Variants in SLC44A5 observed in about 807,000 individuals in gnomAD.
SLC44A5 encodes the protein solute carrier family 44 member 5, also known as choline transporter-like protein 5.
SLC44A5 carries 57 observed loss-of-function variants against 101.8 expected under a neutral mutation model. The observed-to-expected ratio is 0.56, with a 90% CI of 0.45 to 0.70. SLC44A5 has a LOEUF of 0.70. Ranked by LOEUF, SLC44A5 falls within the 30% of genes least tolerant of loss-of-function variation. The pLI is 0.00. For missense variants in SLC44A5, 737 were observed against 853.1 expected, an observed-to-expected ratio of 0.86 and a Z score of 1.70; for synonymous variants, 281 against 290.9, an observed-to-expected ratio of 0.97 and a Z score of 0.35.
At chr1:75,250,239 G>A (rs1430569592) in intron 7 of SLC44A5, among the ~76,000 whole-genome samples, 7 of 152,042 alleles carry the variant, frequency 4.6e-5, no homozygotes, top group Admixed American at 4.6e-4. Flanking sequence ...ACTTATAAGT[G>A]AGAACACGTG....
At chr1:75,346,493 A>C (rs1258402365) in intron 3 of SLC44A5, among the ~76,000 whole-genome samples, 1 of 152,160 alleles carries the variant, frequency 6.6e-6, no homozygotes, top group African/African-American at 2.4e-5. Flanking sequence ...GGCAGTGCTG[A>C]AGAATGGACG....
At chr1:75,620,600 A>G in the SLC44A5 span, among the ~76,000 whole-genome samples, 1 of 152,082 alleles carries the variant, frequency 6.6e-6, no homozygotes, top group East Asian at 1.9e-4. Context: ...GCATTTTTTC[A>G]TATGTTTCCT....
chr1:75,603,272 TG>T (rs1184759429), intron 1 of SLC44A5, among the ~76,000 whole-genome samples: 1 of 152,140 alleles, frequency 6.6e-6, no homozygotes, highest in African/African-American at 2.4e-5. Context: ...TTTAGGATAA[TG>T]GCTTCTAACT....
chr1:75,687,434 G>A, the SLC44A5 span, among the ~76,000 whole-genome samples: 4 of 152,002 alleles, frequency 2.6e-5, no homozygotes, highest in Admixed American at 6.6e-5. Flanking sequence ...CTCCCAAGTA[G>A]CTGGGATTAC....
At chr1:75,513,724 A>G (rs962332466) in intron 2 of SLC44A5, among the ~76,000 whole-genome samples, 1 of 152,202 alleles carries the variant, frequency 6.6e-6, no homozygotes. Context: ...AACATACAAA[A>G]GGGAGCCTTT....
At chr1:75,253,357 T>C (rs1322300170) in intron 6 of SLC44A5, among the ~76,000 whole-genome samples, 1 of 151,658 alleles carries the variant, frequency 6.6e-6, no homozygotes, top group Non-Finnish European at 1.5e-5. Flanking sequence ...CAACAGAAAG[T>C]GTCTGAAAAC....
chr1:75,641,766 C>A, the SLC44A5 span: 3 of 1,576,120 alleles, frequency 1.9e-6, no homozygotes, highest in South Asian at 2.2e-5. Context: ...ACCACTTTGT[C>A]CAGTGGAAAT....
At chr1:75,537,741 C>T (rs1437397285) in intron 2 of SLC44A5, among the ~76,000 whole-genome samples, 1 of 152,160 alleles carries the variant, frequency 6.6e-6, no homozygotes, top group African/African-American at 2.4e-5. Flanking sequence ...TCTGCTTTGG[C>T]ATGATGTATA....
intron 3 of SLC44A5, among the ~76,000 whole-genome samples, chr1:75,394,721 CA>C (rs1317751039): frequency 7.2e-5 from 11 of 152,176 alleles, no homozygotes; most frequent in African/African-American, 2.6e-4. Flanking sequence ...ATTGTTAGCA[CA>C]GTTAAGCTTT....
At position 75,334,626 on chromosome 1, in the gene SLC44A5, G is replaced by T. The variant is rs567612299; in HGVS notation, c.101+4956C>A. On this transcript the variant is annotated intron_variant, in intron 4 of 23. Transcript: ENST00000370859. ...AAACACCATGAGAAGGAGCAAGAAG[G>T]GTATAAAGGGCAAAGGAGCTCATGA... Among the ~76,000 whole-genome samples, 3 of 152,186 alleles carry T rather than the reference G, an allele frequency of 2.0e-5. No individual in the cohort carries two copies. In the East Asian group the frequency reaches 5.8e-4, roughly 29 times the overall value.
intron 4 of SLC44A5, among the ~76,000 whole-genome samples, chr1:75,308,514 A>G (rs1655070070): frequency 6.6e-6 from 1 of 152,176 alleles, no homozygotes; most frequent in Non-Finnish European, 1.5e-5. Flanking sequence ...TAAAACTTGT[A>G]TAATATTCAG....
intron 5 of SLC44A5, among the ~76,000 whole-genome samples, chr1:75,298,925 C>T (rs1351561508): frequency 1.3e-5 from 2 of 152,168 alleles, no homozygotes; most frequent in African/African-American, 4.8e-5. Context: ...AATGTTTCCA[C>T]ACTTTCCAGA....
chr1:75,218,053 CA>C, intron 17 of SLC44A5, 93 bp from the exon 18 acceptor site: 1 of 825,542 alleles, frequency 1.2e-6, no homozygotes, highest in South Asian at 1.6e-5. Flanking sequence ...AAGGTATCTG[CA>C]GAAGGATTAA....
At chr1:75,474,241 T>C (rs1667267344) in intron 2 of SLC44A5, among the ~76,000 whole-genome samples, 1 of 152,190 alleles carries the variant, frequency 6.6e-6, no homozygotes, top group African/African-American at 2.4e-5. Flanking sequence ...GCACCTTCTG[T>C]CAATTCCTAG....
chr1:75,584,662 A>C (rs747690884), intron 1 of SLC44A5, among the ~76,000 whole-genome samples: 1 of 152,068 alleles, frequency 6.6e-6, no homozygotes, highest in Non-Finnish European at 1.5e-5. Flanking sequence ...GTGAGATCTC[A>C]GTTCACTGCA....
At chr1:75,214,303 C>T (rs1646918668) in intron 20 of SLC44A5, among the ~76,000 whole-genome samples, 2 of 151,696 alleles carry the variant, frequency 1.3e-5, no homozygotes, top group African/African-American at 4.8e-5. Flanking sequence ...ACTCAGGCTC[C>T]ACCAATTCTG....
chr1:75,599,526 T>A (rs550703546), intron 1 of SLC44A5, among the ~76,000 whole-genome samples: 1 of 152,004 alleles, frequency 6.6e-6, no homozygotes, highest in Non-Finnish European at 1.5e-5. Context: ...ATGTGTAGAG[T>A]CTACATTTAA....
intron 1 of SLC44A5, among the ~76,000 whole-genome samples, chr1:75,588,961 T>C (rs992447107): frequency 6.6e-6 from 1 of 152,290 alleles, no homozygotes; most frequent in South Asian, 2.1e-4. Flanking sequence ...CAAGTTAATA[T>C]TGACAAAGAG....
At chr1:75,324,025 G>T (rs1656386594) in intron 4 of SLC44A5, among the ~76,000 whole-genome samples, 1 of 152,154 alleles carries the variant, frequency 6.6e-6, no homozygotes, top group Admixed American at 6.6e-5. Flanking sequence ...TCTAACTCTA[G>T]CCGTGAAGAT....
Sources: allele counts gnomAD v4.1 joint callset (sites outside exome capture counted in the v4.1 genomes callset), GRCh38; gene constraint gnomAD v4.1.1; transcripts MANE v1.5; gene names NCBI Gene and HGNC (gene_info 2026-07-23, HGNC 2026-07-21).